The following CBX2 variants were observed in gnomAD, a reference collection of about 807,000 sequenced individuals.
The protein encoded by CBX2 is chromobox protein homolog 2.
CBX2 carries 11 observed loss-of-function variants against 21.0 expected under a neutral mutation model. That is an observed-to-expected ratio of 0.52 (90% CI 0.33 to 0.87). The LOEUF (loss-of-function observed/expected upper bound fraction) is 0.87. Ranked by LOEUF, CBX2 falls within the 40% of genes least tolerant of loss-of-function variation. The probability of loss-of-function intolerance (pLI) is 0.02; values close to 1 mark genes in which losing one functional copy is unlikely to be tolerated. For missense variants in CBX2, 746 were observed against 724.3 expected (o/e 1.03, Z -0.34); for synonymous variants, 364 against 304.6 (o/e 1.19, Z -2.03).
intron 4 of CBX2, 34 bp from the exon 5 acceptor site, chr17:79,783,698 C>T (rs1555830931): frequency 5.2e-6 from 8 of 1,538,422 alleles, no homozygotes; most frequent in East Asian, 2.4e-5. Context: ...GCGTGAGCCA[C>T]TGCACCCAGC....
At position 79,784,675 on chromosome 17, in the gene CBX2, G is replaced by A. The variant is rs187278438; in HGVS notation, c.1232G>A (p.Ser411Asn). Residue 411 changes from serine to asparagine, a missense_variant, in exon 5 of 5, where the codon AGT becomes AAT. Coordinates refer to ENST00000310942, the MANE Select transcript of CBX2 (RefSeq NM_005189.3). This position sits in a 1 kb window ranked among gnomAD's most constrained non-coding sequence, Gnocchi z 5.9. ...ACCATGCCCACCGACACAAGCAAAA[G>A]TGAGAAGCTGGCTTCCAGAGCAGTG... ...GATMPTDTSK[S>N]EKLASRAVAP... The A allele has an allele frequency of 4.3e-6, 7 of 1,612,362 alleles. No individual in the cohort carries two copies. The East Asian group carries it at 1.1e-4, about 26-fold the overall frequency.
chr17:79,782,347 C>T, intron 4 of CBX2: 1 of 1,466,630 alleles, frequency 6.8e-7, no homozygotes, highest in South Asian at 1.4e-5. Context: ...CTTCTCGGGA[C>T]TGTCCTGTCA....
In CBX2 at chr17:79,778,392, G is replaced by A; in HGVS notation, c.81G>A (p.Leu27=). 6.3e-7 allele frequency: 1 copy of A among 1,579,578 alleles called. No homozygotes were observed. The highest frequency in any genetic ancestry group is 8.6e-7 in the Non-Finnish European group (1 of 1,168,232). The change falls in exon 2 of 5, where the codon CTG becomes CTA. Residue 27 remains leucine, a synonymous_variant. Coordinates refer to ENST00000310942, the MANE Select transcript of CBX2 (RefSeq NM_005189.3). The surrounding 1 kb of genome is among the most constrained non-coding windows in gnomAD (Gnocchi z 4.8). ...ILSKRLRKGK[L]EYLVKWRGWS... ...CTCTTCTCTCCCCGCAGGGCAAGCT[G>A]GAGTACCTGGTCAAGTGGCGCGGCT...
Position 79,779,227 on chromosome 17 carries a change from G to C in CBX2, c.117-135G>C, listed in dbSNP as rs1235245176. 10 of 828,492 alleles carry C rather than the reference G, an allele frequency of 1.2e-5. No individual in the cohort carries two copies. The Admixed American group carries it at 1.8e-4, about 15-fold the overall frequency. 51.3% of individuals were successfully genotyped at this position (828,492 alleles called of 1,614,324 possible). A position where few individuals can be genotyped will look rare whatever the true frequency, so the allele number is the denominator to read the frequency against. On this transcript the variant is annotated intron_variant, in intron 2 of 4. Coordinates refer to ENST00000310942, the MANE Select transcript of CBX2 (RefSeq NM_005189.3). ...TCCAAAACCTGGGTTTGGACTTTGA[G>C]AAGTGCCATGGTGCTACGGTGCCAC...
intron 3 of CBX2, 74 bp downstream of exon 3, chr17:79,779,501 T>C (rs2145821288): frequency 5.0e-6 from 7 of 1,390,954 alleles, no homozygotes; most frequent in South Asian, 1.2e-5. Flanking sequence ...TGGGCGCTGC[T>C]CGCCTGCCGG....
In CBX2 at chr17:79,783,852, C is replaced by T. The variant is rs2075001147; in HGVS notation, c.409C>T (p.Arg137Cys). 5 of 1,613,510 alleles carry T rather than the reference C, an allele frequency of 3.1e-6. No homozygotes were observed. The highest frequency in any genetic ancestry group is 1.1e-5 in the South Asian group (1 of 91,058). Residue 137 changes from arginine to cysteine, a missense_variant, in exon 5 of 5, where the codon CGC becomes TGC. Arg to Cys is a radical substitution (Grantham distance 180). Around this residue, in one of 2 missense-constraint regions of CBX2, gnomAD observed 701 missense variants for 650.7 expected, o/e 1.08. Transcript: ENST00000310942. ...DLDAKRGPRG[R>C]ETHPVPQKKA... ...AGATGCTAAGAGGGGTCCCCGGGGC[C>T]GCGAGACCCACCCAGTGCCGCAGAA...
At position 79,785,292 on chromosome 17, in the gene CBX2, C is replaced by T. The variant is rs1233551252; in HGVS notation, c.*250C>T. The T allele has an allele frequency of 1.9e-5, 11 of 573,512 alleles. No homozygotes were observed. The highest frequency in any genetic ancestry group is 3.0e-5 in the Admixed American group (1 of 33,026). 35.5% of individuals were successfully genotyped at this position (573,512 alleles called of 1,614,324 possible). ...TACCTCTGCAGGCCTCTTTGCTCTC[C>T]CCTCTTGCCTCAGGAAACCCGGTGG... On this transcript the variant is annotated 3_prime_UTR_variant, in exon 5 of 5. Transcript: ENST00000310942.
chr17:79,782,519 G>C (rs932778489), intron 4 of CBX2: 6 of 1,169,718 alleles, frequency 5.1e-6, no homozygotes, highest in Middle Eastern at 3.8e-4. Context: ...TCCCTCCTCC[G>C]GGCACTGTCC....
upstream of CBX2, among the ~76,000 whole-genome samples, chr17:79,777,895 C>A (rs1906832720): frequency 6.7e-6 from 1 of 149,720 alleles, no homozygotes; most frequent in Non-Finnish European, 1.5e-5. Flanking sequence ...GCACCTCCTC[C>A]CCCAGCCAGG....
At position 79,784,188 on chromosome 17, in the gene CBX2, G is replaced by A. The variant is rs1458826790; in HGVS notation, c.745G>A (p.Gly249Ser). ...CATGGCCAGTAGCCCCGGCCGGGGT[G>A]GCATCAGCTGGCAGAGCTCCATCGT... ...KGMASSPGRG[G>S]ISWQSSIVHY... is the part of the protein sequence containing the mutation. The change falls in exon 5 of 5, where the codon GGC (glycine) becomes AGC (serine). Residue 249 changes from glycine to serine, a missense_variant. Around this residue, in one of 2 missense-constraint regions of CBX2, gnomAD observed 701 missense variants for 650.7 expected, o/e 1.08. Coordinates refer to ENST00000310942, the MANE Select transcript of CBX2 (RefSeq NM_005189.3). This position sits in a 1 kb window ranked among gnomAD's most constrained non-coding sequence, Gnocchi z 5.9. 6.8e-6 allele frequency: 11 copies of A among 1,612,746 alleles called. No individual in the cohort carries two copies. The highest frequency in any genetic ancestry group is 1.7e-5 in the Admixed American group (1 of 60,012).
chr17:79,778,730 C>T lies in CBX2; in HGVS notation c.116+303C>T, dbSNP rs1906929655. On this transcript the variant is annotated intron_variant, in intron 2 of 4. Coordinates refer to ENST00000310942, the MANE Select transcript of CBX2 (RefSeq NM_005189.3). The surrounding 1 kb of genome is among the most constrained non-coding windows in gnomAD (Gnocchi z 4.8). ...CCGGGAGGGAGGCGCGGGATGCAAG[C>T]CCCCCTCCTCTTGGCCAGATTCTCC... Among the ~76,000 whole-genome samples the T allele has an allele frequency of 6.6e-6, 1 of 152,270 alleles. No homozygotes were observed. Among genetic ancestry groups the T allele is most frequent in the South Asian group, 2.1e-4 (1 of 4,830 alleles).
chr17:79,779,187 G>C lies in CBX2; in HGVS notation c.117-175G>C, dbSNP rs922316970. Among the ~76,000 whole-genome samples the C allele has an allele frequency of 2.8e-4, 42 of 152,314 alleles. 1 individual carries two copies. In the Middle Eastern group the frequency reaches 0.01, roughly 37 times the overall value. ...TCTGAGGTTAGAGTGCTGGCTTGGT[G>C]GGGGGTGGCCAGCCTCCAAAACCTG... On this transcript the variant is annotated intron_variant, in intron 2 of 4. Transcript: ENST00000310942.
At chr17:79,782,465 A>T (rs970527949) in intron 4 of CBX2, 1 of 1,244,404 alleles carries the variant, frequency 8.0e-7, no homozygotes, top group Admixed American at 3.6e-5. Flanking sequence ...GCAGGACAGG[A>T]TGGGGGAGGA....
intron 4 of CBX2, among the ~76,000 whole-genome samples, chr17:79,782,731 G>A (rs1383551371): frequency 6.6e-6 from 1 of 152,212 alleles, no homozygotes; most frequent in Non-Finnish European, 1.5e-5. Flanking sequence ...TGGCCACAAG[G>A]CAGTGATTGA....
intron 4 of CBX2, chr17:79,782,648 G>C (rs1470932078): frequency 3.3e-6 from 1 of 307,392 alleles, no homozygotes; most frequent in Admixed American, 5.6e-5. Flanking sequence ...GTCTACACTG[G>C]CCTTACGTTA....
chr17:79,782,082 G>T, intron 4 of CBX2: 1 of 1,613,756 alleles, frequency 6.2e-7, no homozygotes, highest in Middle Eastern at 1.6e-4. Flanking sequence ...AACTGCTGCA[G>T]ACAAGCACTC....
chr17:79,779,478 G>A (rs782524512), intron 3 of CBX2, 51 bp downstream of exon 3: 5 of 1,549,996 alleles, frequency 3.2e-6, no homozygotes, highest in South Asian at 2.3e-5. Flanking sequence ...ACGGTGGCTG[G>A]TTGGAGTCGT....
At chr17:79,777,550 T>G (rs1307254699), upstream of CBX2, among the ~76,000 whole-genome samples, 2 of 152,220 alleles carry the variant, frequency 1.3e-5, no homozygotes, top group African/African-American at 4.8e-5. Flanking sequence ...GGAAAAAGCC[T>G]CGGCTGCTGG....
chr17:79,782,232 A>T (rs1907279154), intron 4 of CBX2: 2 of 1,592,518 alleles, frequency 1.3e-6, no homozygotes, highest in South Asian at 1.1e-5. Flanking sequence ...GGTGCACCTT[A>T]AATCGAGGTG....
Sources: gnomAD v4.1 joint callset for allele counts (sites outside exome capture counted in the v4.1 genomes callset) on GRCh38, gnomAD v4.1.1 for gene constraint, gnomAD v4.1.1 regional missense constraint, Gnocchi (gnomAD v3.1) non-coding constraint, MANE v1.5 for transcripts, NCBI Gene and HGNC (gene_info 2026-07-23, HGNC 2026-07-21) for gene names.